The following STPG2 variants were observed in gnomAD, a reference collection of about 807,000 sequenced individuals.
The protein encoded by STPG2 is sperm-tail PG-rich repeat-containing protein 2.
A neutral mutation model predicts 54.2 loss-of-function variants in STPG2; 56 were observed. The ratio of observed to expected loss-of-function variants is 1.03; its 90% CI spans 0.83 to 1.29. The LOEUF is 1.29. Ranked by LOEUF, STPG2 falls within the 50% of genes most tolerant of loss-of-function variation. STPG2 has a pLI of 0.00. For missense variants in STPG2, 596 were observed against 544.9 expected (o/e 1.09, Z -0.93); for synonymous variants, 200 against 181.8 (o/e 1.10, Z -0.81).
intron 9 of STPG2, among the ~76,000 whole-genome samples, chr4:97,781,524 T>A (rs1726612621): frequency 6.6e-6 from 1 of 152,112 alleles, no homozygotes; most frequent in Non-Finnish European, 1.5e-5. Context: ...TCATAACCAA[T>A]CCTTCTGAAA....
At chr4:97,504,167 T>C (rs1471701116) in intron 4 of STPG2, among the ~76,000 whole-genome samples, 1 of 146,466 alleles carries the variant, frequency 6.8e-6, no homozygotes, top group Non-Finnish European at 1.5e-5. Flanking sequence ...TAAATATTTA[T>C]TTAAATATTT....
intron 4 of STPG2, among the ~76,000 whole-genome samples, chr4:97,462,641 AT>A (rs1010321638): frequency 2.3e-4 from 34 of 150,668 alleles, no homozygotes; most frequent in Admixed American, 4.0e-4. Flanking sequence ...TCTTTTTGGT[AT>A]TTTTTTTTAT....
intron 10 of STPG2, among the ~76,000 whole-genome samples, chr4:97,655,099 T>C (rs1722183614): frequency 6.6e-6 from 1 of 152,066 alleles, no homozygotes; most frequent in Non-Finnish European, 1.5e-5. Context: ...GCATTTTATA[T>C]AGTATGTGTT....
At chr4:97,944,785 A>G (rs1733138141) in intron 7 of STPG2, among the ~76,000 whole-genome samples, 1 of 152,136 alleles carries the variant, frequency 6.6e-6, no homozygotes, top group Admixed American at 6.6e-5. Context: ...TTAATTTACT[A>G]AAACATCCAT....
chr4:97,801,967 G>C (rs1026248238), intron 9 of STPG2, among the ~76,000 whole-genome samples: 1 of 152,156 alleles, frequency 6.6e-6, no homozygotes, highest in South Asian at 2.1e-4. Flanking sequence ...TCTCAAACTA[G>C]CATGCATTAG....
intron 5 of STPG2, among the ~76,000 whole-genome samples, chr4:97,994,913 T>C (rs1363596558): frequency 6.6e-6 from 1 of 152,072 alleles, no homozygotes; most frequent in East Asian, 1.9e-4. Context: ...TAGAGAAAGA[T>C]CATCAGGTTG....
At chr4:97,853,139 G>T (rs1262142317) in intron 8 of STPG2, among the ~76,000 whole-genome samples, 1 of 151,692 alleles carries the variant, frequency 6.6e-6, no homozygotes, top group Non-Finnish European at 1.5e-5. Flanking sequence ...ACCGCGCCCA[G>T]CTAATTTTTT....
At chr4:97,958,875 TA>T (rs1408052923) in intron 7 of STPG2, among the ~76,000 whole-genome samples, 1 of 152,166 alleles carries the variant, frequency 6.6e-6, no homozygotes, top group East Asian at 1.9e-4. Context: ...CAAATGGACT[TA>T]ACAGATCTTT....
At chr4:97,724,804 T>C (rs1724565373) in intron 9 of STPG2, among the ~76,000 whole-genome samples, 1 of 152,188 alleles carries the variant, frequency 6.6e-6, no homozygotes, top group African/African-American at 2.4e-5. Flanking sequence ...AATAATATCT[T>C]AGTATTATAG....
intron 4 of STPG2, among the ~76,000 whole-genome samples, chr4:97,441,801 G>A (rs1335824453): frequency 6.6e-6 from 1 of 151,924 alleles, no homozygotes; most frequent in Non-Finnish European, 1.5e-5. Context: ...ATATATAGAA[G>A]TATATATTCT....
At chr4:97,584,785 A>T (rs1353709214) in intron 10 of STPG2, among the ~76,000 whole-genome samples, 4 of 151,870 alleles carry the variant, frequency 2.6e-5, no homozygotes, top group African/African-American at 4.8e-5. Context: ...AATCCTCCAA[A>T]TATACAACCC....
intron 10 of STPG2, among the ~76,000 whole-genome samples, chr4:97,640,155 A>C (rs1560699015): frequency 2.0e-5 from 3 of 152,082 alleles, no homozygotes; most frequent in Non-Finnish European, 4.4e-5. Context: ...GTGCCCAGAA[A>C]GTTTATTGGC....
intron 10 of STPG2, among the ~76,000 whole-genome samples, chr4:97,604,703 A>G (rs1733550561): frequency 6.6e-6 from 1 of 151,758 alleles, no homozygotes; most frequent in Non-Finnish European, 1.5e-5. Context: ...GTGAAGAGAG[A>G]TAAATTTGTT....
At chr4:97,447,154 T>C (rs968625228) in intron 4 of STPG2, among the ~76,000 whole-genome samples, 3 of 152,218 alleles carry the variant, frequency 2.0e-5, no homozygotes, top group Non-Finnish European at 2.9e-5. Context: ...ACTCTTGCTA[T>C]GCTTTAGCAA....
chr4:97,905,061 A>T (rs1490038355), intron 8 of STPG2, among the ~76,000 whole-genome samples: 1 of 152,058 alleles, frequency 6.6e-6, no homozygotes, highest in African/African-American at 2.4e-5. Context: ...AATTTCCCCA[A>T]TCTAGCAAGG....
chr4:97,790,914 G>A (rs968245841), intron 9 of STPG2, among the ~76,000 whole-genome samples: 1 of 152,028 alleles, frequency 6.6e-6, no homozygotes. Flanking sequence ...AGGTTGAGGG[G>A]GACCATTCTT....
At chr4:97,735,055 A>G (rs1724931731) in intron 9 of STPG2, among the ~76,000 whole-genome samples, 2 of 142,472 alleles carry the variant, frequency 1.4e-5, no homozygotes, top group Non-Finnish European at 3.0e-5. Context: ...CCTGGGCAAG[A>G]GAGCGAGACA....
intron 10 of STPG2, among the ~76,000 whole-genome samples, chr4:97,565,125 G>T (rs963676911): frequency 1.1e-4 from 16 of 152,102 alleles, no homozygotes; most frequent in Non-Finnish European, 1.6e-4. Flanking sequence ...TGGAGGCTTT[G>T]TTCGTTTCTT....
intron 4 of STPG2, among the ~76,000 whole-genome samples, chr4:97,534,141 C>T (rs1364340366): frequency 6.6e-6 from 1 of 151,932 alleles, no homozygotes; most frequent in Admixed American, 6.6e-5. Context: ...TTTTTATTTG[C>T]ATGTTTCTGC....
Sources: gnomAD v4.1 joint callset for allele counts (sites outside exome capture counted in the v4.1 genomes callset) on GRCh38, gnomAD v4.1.1 for gene constraint, MANE v1.5 for transcripts, NCBI Gene and HGNC (gene_info 2026-07-23, HGNC 2026-07-21) for gene names.